Variants in SEL1L3 observed in about 807,000 individuals in gnomAD.
SEL1L3 encodes the protein SEL1L family member 3.
A neutral mutation model predicts 142.8 loss-of-function variants in SEL1L3; 76 were observed. That is an observed-to-expected ratio of 0.53 (90% CI 0.44 to 0.64). The LOEUF (loss-of-function observed/expected upper bound fraction) is 0.64, where lower values mean the gene tolerates loss of function less well. Ranked by LOEUF, SEL1L3 falls within the 30% of genes least tolerant of loss-of-function variation. SEL1L3 has a pLI of 0.00. For synonymous variants in SEL1L3, 504 were observed against 519.6 expected, an observed-to-expected ratio of 0.97 and a Z score of 0.41; for missense variants, 1,262 against 1,381.7, an observed-to-expected ratio of 0.91 and a Z score of 1.37.
chr4:25,742,239 G>A, the SEL1L3 span, among the ~76,000 whole-genome samples: 1 of 152,144 alleles, frequency 6.6e-6, no homozygotes, highest in Non-Finnish European at 1.5e-5. Context: ...AGGCTGGAGT[G>A]AAGTAGCACA....
chr4:25,742,092 G>A, the SEL1L3 span, among the ~76,000 whole-genome samples: 3 of 151,972 alleles, frequency 2.0e-5, no homozygotes, highest in Admixed American at 6.6e-5. Context: ...GATTACAAGC[G>A]TGAGCCACCG....
At chr4:25,813,719 GA>G (rs1714184647) in intron 9 of SEL1L3, among the ~76,000 whole-genome samples, 1 of 152,162 alleles carries the variant, frequency 6.6e-6, no homozygotes, top group African/African-American at 2.4e-5. Context: ...ATATTAGCAA[GA>G]ATAAGAATTT....
intron 23 of SEL1L3, chr4:25,756,522 G>A (rs1272312190): frequency 1.0e-6 from 1 of 976,120 alleles, no homozygotes; most frequent in Non-Finnish European, 1.2e-6. Flanking sequence ...ATGTTCCTAG[G>A]AAGTAGCTAC....
At chr4:25,847,990 G>A (rs936576263) in intron 1 of SEL1L3, 126 bp from the exon 2 acceptor site, 18 of 656,300 alleles carry the variant, frequency 2.7e-5, no homozygotes, top group African/African-American at 9.2e-5. Context: ...GAATGAATGC[G>A]GGAGATAAAA....
rs1448528845 is a variant in SEL1L3, at chr4:25,788,405, A to T, written c.2077-41T>A. 6.2e-7 allele frequency: 1 copy of T among 1,604,262 alleles called. No individual in the cohort carries two copies. Among genetic ancestry groups the T allele is most frequent in the African/African-American group, 1.3e-5 (1 of 74,672 alleles). ...AATTTAGAACAATGACTTTTCCTGT[A>T]TAATGCTTAACACAAGATTTTGAAA... is the stretch of plus-strand genomic sequence containing the variant. On this transcript the variant is annotated intron_variant, in intron 12 of 23. Coordinates refer to ENST00000399878, the MANE Select transcript of SEL1L3 (RefSeq NM_015187.5). The surrounding 1 kb of genome is among the most constrained non-coding windows in gnomAD (Gnocchi z 5.3).
chr4:25,744,621 T>A (rs913447858), downstream of SEL1L3, among the ~76,000 whole-genome samples: 2 of 152,180 alleles, frequency 1.3e-5, no homozygotes, highest in African/African-American at 4.8e-5. Flanking sequence ...CCGAAAGTGC[T>A]GGGATTACTG....
At chr4:25,835,417 T>C (rs1209294988) in intron 2 of SEL1L3, 94 bp from the exon 3 acceptor site, 4 of 1,405,316 alleles carry the variant, frequency 2.8e-6, no homozygotes, top group Non-Finnish European at 3.9e-6. Flanking sequence ...TGAGCTCCAA[T>C]CAAACATTTA....
chr4:25,808,030 C>T (rs779424900), intron 9 of SEL1L3, among the ~76,000 whole-genome samples: 3 of 152,158 alleles, frequency 2.0e-5, no homozygotes, highest in Non-Finnish European at 4.4e-5. Context: ...TCATTTTGCA[C>T]ATTTGGTAAA....
At chr4:25,715,236 A>G in the SEL1L3 span, among the ~76,000 whole-genome samples, 1 of 152,314 alleles carries the variant, frequency 6.6e-6, no homozygotes, top group Non-Finnish European at 1.5e-5. Context: ...TCACACCTGT[A>G]ATCCCAGCAC....
chr4:25,767,222 T>C (rs886316219), intron 19 of SEL1L3, among the ~76,000 whole-genome samples: 1 of 151,908 alleles, frequency 6.6e-6, no homozygotes, highest in African/African-American at 2.4e-5. Context: ...GAGGTGGAGG[T>C]TGCACTGAGC....
At chr4:25,725,043 GCA>G in the SEL1L3 span, among the ~76,000 whole-genome samples, 2 of 152,218 alleles carry the variant, frequency 1.3e-5, no homozygotes, top group East Asian at 3.9e-4. Context: ...ATGCTAGTCT[GCA>G]AATGGCTTCC....
At chr4:25,780,493 C>T (rs539621583) in intron 15 of SEL1L3, among the ~76,000 whole-genome samples, 1 of 152,076 alleles carries the variant, frequency 6.6e-6, no homozygotes, top group African/African-American at 2.4e-5. Context: ...CTTTCCACTC[C>T]ACTCCCCTGG....
rs186048569 is a variant in SEL1L3, at chr4:25,839,303, C to T, written c.734-3980G>A. Among the ~76,000 whole-genome samples, 563 of 152,248 alleles carry T rather than the reference C, an allele frequency of 3.7e-3. 6 individuals are homozygous for T. The highest frequency in any genetic ancestry group is 2.1e-3 in the Non-Finnish European group (140 of 68,026). ...TTCCTAAGGAAGTCTGTGGAACATT[C>T]GATGGCAGGAATCTTAAGAATAAAA... On this transcript the variant is annotated intron_variant, in intron 2 of 23. Coordinates refer to ENST00000399878, the MANE Select transcript of SEL1L3 (RefSeq NM_015187.5).
the SEL1L3 span, chr4:25,718,449 G>GT: frequency 6.6e-6 from 1 of 152,182 alleles, no homozygotes; most frequent in African/African-American, 2.4e-5. Context: ...CTCGCTCATA[G>GT]TTTGAATTTG....
intron 9 of SEL1L3, among the ~76,000 whole-genome samples, chr4:25,807,768 G>A (rs772690538): frequency 2.4e-4 from 36 of 152,066 alleles, no homozygotes; most frequent in Non-Finnish European, 4.6e-4. Context: ...TAGCAGGAGC[G>A]CCCAGGTAGC....
At chr4:25,735,621 G>T in the SEL1L3 span, among the ~76,000 whole-genome samples, 1 of 151,428 alleles carries the variant, frequency 6.6e-6, no homozygotes, top group African/African-American at 2.4e-5. Flanking sequence ...ATTGATTTGA[G>T]ATATAACTTG....
In SEL1L3 at chr4:25,757,762, A is replaced by G; in HGVS notation, c.3112T>C (p.Phe1038Leu). The G allele has an allele frequency of 6.3e-7, 1 of 1,590,892 alleles. No homozygotes were observed. The highest frequency in any genetic ancestry group is 8.6e-7 in the Non-Finnish European group (1 of 1,169,048). Residue 1038 changes from phenylalanine (F) to leucine (L), a missense_variant, in exon 22 of 24, where the codon TTC (phenylalanine) becomes CTC (leucine). Physicochemically the swap from Phe to Leu is conservative, Grantham distance 22 (BLOSUM62 0). Transcript: ENST00000399878. ...AGCCAGGCCAAGGAGCAGGGGCTGA[A>G]GGACTCCTCGTTACTGTGGCTCCAG... is the stretch of plus-strand genomic sequence containing the variant. ...RCWSHSNEESFSPCSLAWLYL... is the reference protein window; with the variant it reads ...RCWSHSNEESLSPCSLAWLYL...
chr4:25,828,103 C>T (rs1560337137), intron 6 of SEL1L3, among the ~76,000 whole-genome samples: 1 of 152,156 alleles, frequency 6.6e-6, no homozygotes, highest in Non-Finnish European at 1.5e-5. Flanking sequence ...AAGACATGTG[C>T]TCTCTCCCTA....
chr4:25,836,300 T>C (rs1273574286), intron 2 of SEL1L3, among the ~76,000 whole-genome samples: 1 of 152,204 alleles, frequency 6.6e-6, no homozygotes, highest in Non-Finnish European at 1.5e-5. Flanking sequence ...TGGTTTTCCC[T>C]ATTCTCCCCA....
Sources: allele counts gnomAD v4.1 joint callset (sites outside exome capture counted in the v4.1 genomes callset), GRCh38; gene constraint gnomAD v4.1.1; non-coding constraint Gnocchi (gnomAD v3.1); transcripts MANE v1.5; gene names NCBI Gene and HGNC (gene_info 2026-07-23, HGNC 2026-07-21).